The following PARD3 variants were observed in gnomAD, a reference collection of about 807,000 sequenced individuals.
The protein encoded by PARD3 is par-3 family cell polarity regulator, also known as partitioning defective 3 homolog.
In PARD3, 75 loss-of-function variants were observed where a neutral mutation model predicts 155.4. That is an observed-to-expected ratio of 0.48 (90% confidence interval 0.40 to 0.58). The LOEUF (loss-of-function observed/expected upper bound fraction) is 0.58. PARD3 is among the 20% of genes least tolerant of loss of function. The pLI, the probability that PARD3 is intolerant of heterozygous loss-of-function variation, is 0.00. For missense variants in PARD3, 1,642 were observed against 1,721.7 expected, an observed-to-expected ratio of 0.95 and a Z score of 0.82; for synonymous variants, 576 against 610.5, an observed-to-expected ratio of 0.94 and a Z score of 0.83.
At chr10:34,509,726 T>C (rs957642764) in intron 3 of PARD3, among the ~76,000 whole-genome samples, 1 of 152,120 alleles carries the variant, frequency 6.6e-6, no homozygotes, top group African/African-American at 2.4e-5. Flanking sequence ...CATGATAGTG[T>C]CCTGAATAGC....
chr10:34,765,799 C>T (rs750916060), intron 1 of PARD3, among the ~76,000 whole-genome samples: 31 of 152,176 alleles, frequency 2.0e-4, no homozygotes, highest in Admixed American at 8.5e-4. Context: ...AAGTGGCTAA[C>T]ATCTCTGCAG....
At chr10:34,603,397 T>C (rs1221548785) in intron 2 of PARD3, among the ~76,000 whole-genome samples, 1 of 152,224 alleles carries the variant, frequency 6.6e-6, no homozygotes, top group Non-Finnish European at 1.5e-5. Flanking sequence ...CTTTGCCCAA[T>C]GACATTATTA....
chr10:34,352,913 C>T (rs1838296624), intron 14 of PARD3, among the ~76,000 whole-genome samples: 1 of 151,604 alleles, frequency 6.6e-6, no homozygotes, highest in South Asian at 2.1e-4. Flanking sequence ...CGTCTCTGCC[C>T]GGCCGCCCAT....
At chr10:34,641,449 G>A (rs1292855668) in intron 2 of PARD3, among the ~76,000 whole-genome samples, 1 of 152,214 alleles carries the variant, frequency 6.6e-6, no homozygotes, top group African/African-American at 2.4e-5. Context: ...GAACCTGAAA[G>A]TATTTGAGCC....
chr10:34,445,966 T>C (rs1319910168), intron 5 of PARD3, among the ~76,000 whole-genome samples: 1 of 152,176 alleles, frequency 6.6e-6, no homozygotes, highest in African/African-American at 2.4e-5. Context: ...TCAAGCTCTA[T>C]CCATCAAAAC....
At chr10:34,186,894 T>G (rs781781451) in intron 22 of PARD3, among the ~76,000 whole-genome samples, 1 of 152,182 alleles carries the variant, frequency 6.6e-6, no homozygotes, top group Non-Finnish European at 1.5e-5. Flanking sequence ...TTTCTTGGTC[T>G]TCCCTGTAGA....
At chr10:34,255,040 G>A (rs995565089) in intron 22 of PARD3, among the ~76,000 whole-genome samples, 3 of 152,052 alleles carry the variant, frequency 2.0e-5, no homozygotes, top group East Asian at 3.8e-4. Context: ...TACAAAGCAG[G>A]TATTTTTTAA....
In PARD3 at chr10:34,639,855, G is replaced by GACACAC. The variant is rs139829298; in HGVS notation, c.222+56457_222+56462dup. ...CACTCCAGCCTCGGTAACAGAGTAAGACACACACACACACACACACCACAC... is the reference window on the plus strand; with the variant it reads ...CACTCCAGCCTCGGTAACAGAGTAAGACACACACACACACACACACACACACCACAC... On this transcript the variant is annotated intron_variant, in intron 2 of 24. Transcript: ENST00000374788. 7.2e-3 allele frequency among the ~76,000 whole-genome samples: 1,076 copies of GACACAC among 150,310 alleles called. 16 individuals are homozygous for GACACAC. Among genetic ancestry groups the GACACAC allele is most frequent in the African/African-American group, 0.024 (980 of 41,044 alleles).
At chr10:34,760,742 G>C (rs1284382421) in intron 1 of PARD3, among the ~76,000 whole-genome samples, 2 of 152,156 alleles carry the variant, frequency 1.3e-5, no homozygotes, top group Non-Finnish European at 1.5e-5. Context: ...CTCAGATTAG[G>C]AGCTGCATGT....
At chr10:34,681,762 ATATATATTTTTT>A (rs1157211944) in intron 2 of PARD3, among the ~76,000 whole-genome samples, 4 of 22,376 alleles carry the variant, frequency 1.8e-4, no homozygotes, top group Non-Finnish European at 2.9e-4. Context: ...ATATATATAT[ATATATATTTTTT>A]TTTTTTTTTT....
chr10:34,450,515 GT>G (rs1342664506), intron 4 of PARD3, 67 bp from the exon 5 acceptor site: 4 of 1,443,488 alleles, frequency 2.8e-6, no homozygotes, highest in Non-Finnish European at 3.8e-6. Flanking sequence ...AATGCACCTG[GT>G]TTTTCAAAAG....
intron 1 of PARD3, among the ~76,000 whole-genome samples, chr10:34,748,363 G>A (rs9943422): frequency 0.011 from 1,608 of 152,218 alleles, 32 homozygotes; most frequent in African/African-American, 0.037. Flanking sequence ...CCAGCTACTC[G>A]GGAGGCTGAG....
chr10:34,787,932 C>G (rs1212126462), intron 1 of PARD3, among the ~76,000 whole-genome samples: 12 of 151,930 alleles, frequency 7.9e-5, no homozygotes, highest in Non-Finnish European at 1.5e-5. Flanking sequence ...AGGAACACAA[C>G]CACCATGCCC....
At chr10:34,625,157 G>C (rs1003685152) in intron 2 of PARD3, among the ~76,000 whole-genome samples, 2 of 152,194 alleles carry the variant, frequency 1.3e-5, no homozygotes, top group African/African-American at 4.8e-5. Flanking sequence ...GAGTGTGCCT[G>C]TAGATTCTGA....
At chr10:34,657,867 C>T (rs563294027) in intron 2 of PARD3, among the ~76,000 whole-genome samples, 6 of 151,952 alleles carry the variant, frequency 3.9e-5, no homozygotes, top group Admixed American at 2.6e-4. Flanking sequence ...AGATCAACAG[C>T]CAGGCGCGGT....
rs191275303 is a variant in PARD3 at position 34,140,071 on chromosome 10, C to G, written c.3420-8488G>C. On this transcript the variant is annotated intron_variant, in intron 22 of 24. Transcript: ENST00000374788. ...GGTTTCTCATTAAACCCATTACACCCCGTGTGTTAAAATGGAACACTTGTC... is the reference window on the plus strand; with the variant it reads ...GGTTTCTCATTAAACCCATTACACCGCGTGTGTTAAAATGGAACACTTGTC... Among the ~76,000 whole-genome samples, 3 of 152,256 alleles carry G rather than the reference C, an allele frequency of 2.0e-5. No homozygotes were observed. In the East Asian group the frequency reaches 5.8e-4, roughly 29 times the overall value.
chr10:34,279,932 C>T (rs1956082982), intron 21 of PARD3, among the ~76,000 whole-genome samples: 1 of 152,198 alleles, frequency 6.6e-6, no homozygotes, highest in Non-Finnish European at 1.5e-5. Flanking sequence ...TTAACTTTTA[C>T]ATATTTCCAC....
chr10:34,652,499 G>A (rs2093042468), intron 2 of PARD3, among the ~76,000 whole-genome samples: 1 of 152,230 alleles, frequency 6.6e-6, no homozygotes, highest in East Asian at 1.9e-4. Context: ...GGACCACTTA[G>A]ATGGTGAAGC....
chr10:34,123,990 T>C (rs1054778338), intron 23 of PARD3, among the ~76,000 whole-genome samples: 8 of 152,344 alleles, frequency 5.3e-5, no homozygotes, highest in African/African-American at 9.6e-5. Flanking sequence ...AACATATACA[T>C]AGAATATTCA....
Sources: allele counts gnomAD v4.1 joint callset (sites outside exome capture counted in the v4.1 genomes callset), GRCh38; gene constraint gnomAD v4.1.1; transcripts MANE v1.5; gene names NCBI Gene and HGNC (gene_info 2026-07-23, HGNC 2026-07-21).